TACR1: variants seen among roughly 807,000 people sequenced by gnomAD.
The protein encoded by TACR1 is substance-P receptor.
A neutral mutation model predicts 35.8 loss-of-function variants in TACR1; 25 were observed. The ratio of observed to expected loss-of-function variants is 0.70; its 90% CI spans 0.51 to 0.98. The LOEUF (loss-of-function observed/expected upper bound fraction) is 0.98, where lower values mean the gene tolerates loss of function less well. Among genes scored for constraint, TACR1 ranks in the 50% least tolerant of loss-of-function variants. TACR1 has a pLI of 0.00. For synonymous variants in TACR1, 195 were observed against 206.7 expected, an observed-to-expected ratio of 0.94 and a Z score of 0.48; for missense variants, 478 against 522.9, an observed-to-expected ratio of 0.91 and a Z score of 0.84.
intron 2 of TACR1, among the ~76,000 whole-genome samples, chr2:75,116,910 C>T: frequency 7.2e-6 from 1 of 138,140 alleles, no homozygotes. Context: ...AACTCCGTCT[C>T]AAAAAAAAAA....
chr2:75,123,528 C>T (rs56152123), intron 1 of TACR1, among the ~76,000 whole-genome samples: 2,149 of 152,222 alleles, frequency 0.014, 56 homozygotes, highest in African/African-American at 0.049. Context: ...AATTTGGGAA[C>T]GCACTTCAGT....
intron 1 of TACR1, among the ~76,000 whole-genome samples, chr2:75,148,623 C>T (rs1029638484): frequency 6.6e-6 from 1 of 151,098 alleles, no homozygotes; most frequent in African/African-American, 2.4e-5. Context: ...GGATATTAGA[C>T]CTTTGTCAGA....
chr2:75,156,491 T>G (rs952661717), intron 1 of TACR1, among the ~76,000 whole-genome samples: 4 of 149,002 alleles, frequency 2.7e-5, no homozygotes, highest in Non-Finnish European at 5.9e-5. Context: ...TGGTCCCAGC[T>G]ACTCAGGAGG....
chr2:75,124,744 G>A (rs1170835375), intron 1 of TACR1, among the ~76,000 whole-genome samples: 1 of 152,210 alleles, frequency 6.6e-6, no homozygotes, highest in Non-Finnish European at 1.5e-5. Context: ...ACAAAAACAG[G>A]AGGTAGGCTG....
chr2:75,161,476 G>A (rs1436640681), intron 1 of TACR1, among the ~76,000 whole-genome samples: 1 of 152,006 alleles, frequency 6.6e-6, no homozygotes, highest in African/African-American at 2.4e-5. Flanking sequence ...TTTCACAGAG[G>A]TACAATCAAT....
chr2:75,140,843 C>G (rs560682449), intron 1 of TACR1, among the ~76,000 whole-genome samples: 3 of 152,226 alleles, frequency 2.0e-5, no homozygotes, highest in Admixed American at 2.0e-4. Flanking sequence ...CTGGCCCCTC[C>G]AATGGTCTGA....
chr2:75,118,279 T>C (rs997514764), intron 2 of TACR1, among the ~76,000 whole-genome samples: 1 of 152,256 alleles, frequency 6.6e-6, no homozygotes, highest in African/African-American at 2.4e-5. Context: ...AGCTATGCTA[T>C]GCACTTATGT....
At chr2:75,147,578 A>G (rs996938962) in intron 1 of TACR1, among the ~76,000 whole-genome samples, 1 of 151,974 alleles carries the variant, frequency 6.6e-6, no homozygotes, top group African/African-American at 2.4e-5. Flanking sequence ...CCTGCTCCAC[A>G]GGCCCCAGCA....
Position 75,198,760 on chromosome 2 carries a change from C to A in TACR1, c.175G>T (p.Ala59Ser), listed in dbSNP as rs769096225. 1.2e-6 allele frequency: 2 copies of A among 1,614,184 alleles called. No homozygotes were observed. Among genetic ancestry groups the A allele is most frequent in the Admixed American group, 3.3e-5 (2 of 60,030 alleles). The change falls in exon 1 of 5, where the codon GCC becomes TCC. Residue 59 changes from alanine to serine, a missense_variant. Transcript: ENST00000305249. ...GNVVVMWIIL[A>S]HKRMRTVTNY... ...GTCACTGTCCTCATTCTTTTGTGGG[C>A]TAAGATGATCCACATCACTACCACG... is the stretch of plus-strand genomic sequence containing the variant.
At chr2:75,170,862 T>C (rs1308052910) in intron 1 of TACR1, among the ~76,000 whole-genome samples, 1 of 152,112 alleles carries the variant, frequency 6.6e-6, no homozygotes, top group Admixed American at 6.5e-5. Flanking sequence ...AAGAGGTGAA[T>C]TGGGTACTGT....
chr2:75,158,763 G>A (rs1674928524), intron 1 of TACR1, among the ~76,000 whole-genome samples: 1 of 152,198 alleles, frequency 6.6e-6, no homozygotes, highest in Admixed American at 6.5e-5. Context: ...GAACTGAAAA[G>A]AGAGGAATGG....
chr2:75,107,638 A>T (rs1254378031), intron 2 of TACR1, among the ~76,000 whole-genome samples: 5 of 152,016 alleles, frequency 3.3e-5, no homozygotes, highest in Non-Finnish European at 7.4e-5. Flanking sequence ...TTGAGTCAAT[A>T]AAAAAATTTA....
intron 2 of TACR1, among the ~76,000 whole-genome samples, chr2:75,107,734 G>A (rs1259509399): frequency 6.6e-6 from 1 of 151,828 alleles, no homozygotes; most frequent in Non-Finnish European, 1.5e-5. Context: ...GAATTTTATT[G>A]GTAGATGTTT....
At chr2:75,152,964 G>A (rs778705045) in intron 1 of TACR1, among the ~76,000 whole-genome samples, 12 of 152,164 alleles carry the variant, frequency 7.9e-5, no homozygotes, top group Non-Finnish European at 1.5e-4. Context: ...GTGCAGTAGC[G>A]CAATCTCGGC....
intron 1 of TACR1, among the ~76,000 whole-genome samples, chr2:75,144,974 G>A (rs141207763): frequency 8.3e-4 from 127 of 152,134 alleles, no homozygotes; most frequent in Middle Eastern, 3.4e-3. Flanking sequence ...ATAAAATAGA[G>A]TATAGTAGGA....
intron 2 of TACR1, among the ~76,000 whole-genome samples, chr2:75,082,027 C>T (rs747244009): frequency 7.3e-5 from 11 of 151,708 alleles, no homozygotes; most frequent in Non-Finnish European, 8.8e-5. Context: ...CCCATTAACT[C>T]GTCATTTACA....
intron 1 of TACR1, among the ~76,000 whole-genome samples, chr2:75,156,539 C>G (rs1402868090): frequency 2.0e-5 from 3 of 146,780 alleles, no homozygotes; most frequent in Non-Finnish European, 4.5e-5. Flanking sequence ...GGAGGCAGAG[C>G]TTGCAGTGAG....
At chr2:75,154,401 A>AGCGTGCTCGC (rs1553380902) in intron 1 of TACR1, 1 of 76,444 alleles carries the variant, frequency 1.3e-5, no homozygotes, top group African/African-American at 5.8e-5. Flanking sequence ...ATCAGCCAAG[A>AGCGTGCTCGC]GCGCGCACGC....
intron 2 of TACR1, among the ~76,000 whole-genome samples, chr2:75,080,363 C>A (rs1673061290): frequency 6.6e-6 from 1 of 152,190 alleles, no homozygotes; most frequent in African/African-American, 2.4e-5. Context: ...CATACACACA[C>A]AACCATCATC....
Sources: allele counts gnomAD v4.1 joint callset (sites outside exome capture counted in the v4.1 genomes callset), GRCh38; gene constraint gnomAD v4.1.1; transcripts MANE v1.5; gene names NCBI Gene and HGNC (gene_info 2026-07-23, HGNC 2026-07-21).